Variants in KIAA0586 observed in about 807,000 individuals in gnomAD.
KIAA0586 encodes KIAA0586, also known as protein TALPID3.
Under a neutral mutation model 169.8 loss-of-function variants are expected in KIAA0586, and 144 were observed. That is an observed-to-expected ratio of 0.85 (90% CI 0.74 to 0.97). The LOEUF (loss-of-function observed/expected upper bound fraction) is 0.97. Ranked by LOEUF, KIAA0586 falls within the 50% of genes least tolerant of loss-of-function variation. The pLI, the probability that KIAA0586 is intolerant of heterozygous loss-of-function variation, is 0.00. For missense variants in KIAA0586, 1,854 were observed against 1,823.0 expected (o/e 1.02, Z -0.31); for synonymous variants, 625 against 612.4 (o/e 1.02, Z -0.30).
intron 29 of KIAA0586, among the ~76,000 whole-genome samples, chr14:58,533,951 T>G (rs1293296655): frequency 6.6e-6 from 1 of 152,200 alleles, no homozygotes; most frequent in Non-Finnish European, 1.5e-5. Flanking sequence ...ATTCTTTCAC[T>G]CTTTCAAAAG....
At chr14:58,491,638 T>A (rs1189105853) in intron 25 of KIAA0586, among the ~76,000 whole-genome samples, 1 of 152,208 alleles carries the variant, frequency 6.6e-6, no homozygotes, top group Non-Finnish European at 1.5e-5. Context: ...ACCAATGCCC[T>A]CGCCAAGTAA....
At chr14:58,501,482 T>C (rs1272202165) in intron 27 of KIAA0586, among the ~76,000 whole-genome samples, 3 of 152,222 alleles carry the variant, frequency 2.0e-5, no homozygotes, top group African/African-American at 7.2e-5. Context: ...AGCAACTAGG[T>C]ACTTAGTTGA....
intron 26 of KIAA0586, among the ~76,000 whole-genome samples, chr14:58,494,721 A>G (rs2043051597): frequency 6.6e-6 from 1 of 152,136 alleles, no homozygotes; most frequent in Non-Finnish European, 1.5e-5. Context: ...GAGGGTTTGT[A>G]ATCCACTAGT....
At chr14:58,553,807 G>A (rs577340559), downstream of KIAA0586, among the ~76,000 whole-genome samples, 277 of 152,272 alleles carry the variant, frequency 1.8e-3, 3 homozygotes, top group African/African-American at 6.6e-3. Flanking sequence ...ATGCATTTTT[G>A]TGTCTGTGTC....
At chr14:58,449,514 G>A (rs939867205) in intron 7 of KIAA0586, among the ~76,000 whole-genome samples, 1 of 152,178 alleles carries the variant, frequency 6.6e-6, no homozygotes, top group Non-Finnish European at 1.5e-5. Context: ...GGGTGACAGA[G>A]CAAGACCCTG....
chr14:58,446,112 C>T (rs1300819991), intron 6 of KIAA0586, among the ~76,000 whole-genome samples: 3 of 151,754 alleles, frequency 2.0e-5, no homozygotes, highest in Middle Eastern at 6.4e-3. Flanking sequence ...TCAGGTGATC[C>T]GCCTGCCTTG....
At chr14:58,477,545 T>C (rs2041733986) in intron 20 of KIAA0586, among the ~76,000 whole-genome samples, 1 of 152,198 alleles carries the variant, frequency 6.6e-6, no homozygotes, top group African/African-American at 2.4e-5. Flanking sequence ...TTGGTTTCCA[T>C]ATGTACCTCA....
At chr14:58,540,049 GA>G (rs752111506) in intron 29 of KIAA0586, 21 bp from the exon 30 acceptor site, 1 of 1,471,948 alleles carries the variant, frequency 6.8e-7, no homozygotes, top group Non-Finnish European at 9.3e-7. Flanking sequence ...ATTTTCTTCT[GA>G]AAAAATAAAT....
At chr14:58,514,451 G>T (rs1425111815) in intron 29 of KIAA0586, among the ~76,000 whole-genome samples, 1 of 151,938 alleles carries the variant, frequency 6.6e-6, no homozygotes, top group Non-Finnish European at 1.5e-5. Flanking sequence ...CCAAATTTTG[G>T]CTATTTCAGG....
Position 58,547,827 on chromosome 14 carries a change from G to C in KIAA0586, c.4542G>C (p.Lys1514Asn). The change falls in exon 31 of 31, where the codon AAG becomes AAC. Residue 1514 changes from lysine to asparagine, a missense_variant. Lys to Asn is a moderately conservative substitution (Grantham distance 94). Coordinates refer to ENST00000652326, the MANE Select transcript of KIAA0586 (RefSeq NM_001329943.3). ...PLSASQMPPAKMSVMLPSVNL... is the reference protein window; with the variant it reads ...PLSASQMPPANMSVMLPSVNL... Reference sequence around the variant, plus strand: ...CCGCTTCACAGATGCCCCCTGCCAAGATGTCAGTGATGCTGCCGTCAGTGA... The same window carrying C: ...CCGCTTCACAGATGCCCCCTGCCAACATGTCAGTGATGCTGCCGTCAGTGA... 1 of 1,613,786 alleles carries C rather than the reference G, an allele frequency of 6.2e-7. No homozygotes were observed. Among genetic ancestry groups the C allele is most frequent in the Non-Finnish European group, 8.5e-7 (1 of 1,179,724 alleles).
chr14:58,488,786 T>G lies in KIAA0586; in HGVS notation c.3693T>G (p.Ser1231Arg). The G allele has an allele frequency of 6.2e-7, 1 of 1,613,842 alleles. No homozygotes were observed. The part of the protein sequence containing the change: ...SDSSTLESTL[S>R]VTVTETETLD... ...CATCAACACTGGAGAGCACATTGAGTGTTACTGTCACTGAAACTGAAACTT... is the reference window on the plus strand; with the variant it reads ...CATCAACACTGGAGAGCACATTGAGGGTTACTGTCACTGAAACTGAAACTT... The change falls in exon 24 of 31, where the codon AGT becomes AGG. Residue 1231 changes from serine (S) to arginine (R), a missense_variant. Physicochemically the swap from Ser to Arg is moderately radical, Grantham distance 110. Coordinates refer to ENST00000652326, the MANE Select transcript of KIAA0586 (RefSeq NM_001329943.3).
At chr14:58,530,373 CA>C (rs1339140870) in intron 29 of KIAA0586, among the ~76,000 whole-genome samples, 1 of 152,128 alleles carries the variant, frequency 6.6e-6, no homozygotes, top group African/African-American at 2.4e-5. Context: ...AAAAAGAGCC[CA>C]TATAGCCAAG....
chr14:58,438,874 C>T (rs1035177466), intron 4 of KIAA0586, among the ~76,000 whole-genome samples: 4 of 151,966 alleles, frequency 2.6e-5, no homozygotes, highest in African/African-American at 7.3e-5. Context: ...AGGAGTGCCT[C>T]GTGTATGGAA....
At chr14:58,518,732 C>A (rs191388661) in intron 29 of KIAA0586, among the ~76,000 whole-genome samples, 21 of 152,322 alleles carry the variant, frequency 1.4e-4, no homozygotes, top group African/African-American at 5.0e-4. Context: ...ACATTCAGCT[C>A]CATCTTTCTG....
At chr14:58,478,480 TTCAATCAGTCAA>T (rs1469385645) in intron 20 of KIAA0586, among the ~76,000 whole-genome samples, 2 of 152,004 alleles carry the variant, frequency 1.3e-5, no homozygotes, top group South Asian at 2.1e-4. Flanking sequence ...GAGACTCTGT[TTCAATCAGTCAA>T]TCAATCAGTC....
In KIAA0586 at chr14:58,427,770, T is replaced by TA; in HGVS notation, c.-494dup. 2.0e-6 allele frequency: 3 copies of TA among 1,526,390 alleles called. No individual in the cohort carries two copies. Among genetic ancestry groups the TA allele is most frequent in the Non-Finnish European group, 1.8e-6 (2 of 1,142,574 alleles). The allele number at this position is 1,526,390 out of a possible 1,614,324, so 94.6% of individuals were successfully genotyped here. ...GTGCGGGTCTCGGGCGTTCTGGAGA[T>TA]ACGTAGGGGTGAATTTATGTTTCCG... On this transcript the variant is annotated 5_prime_UTR_variant, in exon 1 of 31. Coordinates refer to ENST00000652326, the MANE Select transcript of KIAA0586 (RefSeq NM_001329943.3).
At chr14:58,541,644 T>C (rs538880834) in intron 30 of KIAA0586, among the ~76,000 whole-genome samples, 1 of 152,354 alleles carries the variant, frequency 6.6e-6, no homozygotes, top group East Asian at 1.9e-4. Context: ...ATAGTTTTTC[T>C]TTTACTTAGT....
intron 27 of KIAA0586, among the ~76,000 whole-genome samples, chr14:58,506,699 A>T (rs1241689980): frequency 6.6e-6 from 1 of 151,938 alleles, no homozygotes; most frequent in East Asian, 1.9e-4. Context: ...AAAAAAAAAA[A>T]TTAAAACTCA....
At chr14:58,496,033 C>A (rs1213997799) in intron 26 of KIAA0586, among the ~76,000 whole-genome samples, 1 of 152,060 alleles carries the variant, frequency 6.6e-6, no homozygotes, top group African/African-American at 2.4e-5. Flanking sequence ...GTCTAAAGGG[C>A]TATGTAATAA....
Sources: allele counts gnomAD v4.1 joint callset (sites outside exome capture counted in the v4.1 genomes callset), GRCh38; gene constraint gnomAD v4.1.1; transcripts MANE v1.5; gene names NCBI Gene and HGNC (gene_info 2026-07-23, HGNC 2026-07-21).